Variants in FAM153A observed in about 807,000 individuals in gnomAD.
The protein encoded by FAM153A is family with sequence similarity 153 member A.
A neutral mutation model predicts 48.1 loss-of-function variants in FAM153A; 12 were observed. The observed-to-expected ratio is 0.25, with a 90% confidence interval of 0.16 to 0.40. The LOEUF (loss-of-function observed/expected upper bound fraction) is 0.40. FAM153A is among the 10% of genes least tolerant of loss of function. The pLI, the probability that FAM153A is intolerant of heterozygous loss-of-function variation, is 1.00. For missense variants in FAM153A, 111 were observed against 345.8 expected (o/e 0.32, Z 5.38); for synonymous variants, 36 against 118.2 (o/e 0.30, Z 4.51).
At chr5:177,729,878 T>G (rs1231100347) in intron 16 of FAM153A, among the ~76,000 whole-genome samples, 1 of 111,666 alleles carries the variant, frequency 9.0e-6, no homozygotes, top group Non-Finnish European at 1.9e-5. Flanking sequence ...TGAGCTAACT[T>G]GCCCTCTTAT....
chr5:177,781,277 T>A (rs1157539640), upstream of FAM153A, among the ~76,000 whole-genome samples: 1 of 141,596 alleles, frequency 7.1e-6, no homozygotes, highest in Non-Finnish European at 1.5e-5. Flanking sequence ...TTTTTTTTTT[T>A]TTTTTTTTTT....
At chr5:177,703,024 T>C (rs2127540361), downstream of FAM153A, among the ~76,000 whole-genome samples, 1 of 152,148 alleles carries the variant, frequency 6.6e-6, no homozygotes, top group South Asian at 2.1e-4. Flanking sequence ...AGAGTCCCCA[T>C]TGGAACACTT....
At chr5:177,699,942 G>T in the FAM153A span, among the ~76,000 whole-genome samples, 3 of 151,290 alleles carry the variant, frequency 2.0e-5, no homozygotes, top group Non-Finnish European at 4.4e-5. Flanking sequence ...TATGAATTTA[G>T]ATATAAAAAT....
Position 177,734,949 on chromosome 5 carries a change from G to A in FAM153A, c.665-16C>T, listed in dbSNP as rs11953424. The A allele has an allele frequency of 0.11, 159,734 of 1,520,984 alleles. 10,846 individuals are homozygous for A. Among genetic ancestry groups the A allele is most frequent in the African/African-American group, 0.35 (21,056 of 60,506 alleles). 94.2% of individuals were successfully genotyped at this position (1,520,984 alleles called of 1,614,324 possible). ...CTGATCAGAACTAGGAGGATACAAA[G>A]TGACCATCAGCACCTTGGTGGTGGT... On this transcript the variant is annotated splice_polypyrimidine_tract_variant and intron_variant, in intron 12 of 20. Coordinates refer to ENST00000614127, the Ensembl canonical transcript of FAM153A.
chr5:177,743,611 C>T (rs1338710175), intron 6 of FAM153A, among the ~76,000 whole-genome samples: 3 of 99,980 alleles, frequency 3.0e-5, no homozygotes, highest in South Asian at 3.6e-4. Flanking sequence ...CAGCAGAACT[C>T]GCTGTAGCAT....
downstream of FAM153A, among the ~76,000 whole-genome samples, chr5:177,717,642 A>C (rs1420814228): frequency 4.1e-5 from 6 of 145,744 alleles, no homozygotes; most frequent in Non-Finnish European, 6.0e-5. Context: ...TAGCATCAGC[A>C]ATCGTGGGAC....
At chr5:177,754,044 C>T (rs112597806), upstream of FAM153A, among the ~76,000 whole-genome samples, 3 of 151,894 alleles carry the variant, frequency 2.0e-5, no homozygotes, top group African/African-American at 7.3e-5. Context: ...AAGGCATTGC[C>T]TCACCCAGGA....
chr5:177,750,079 A>G (rs1351833892), intron 2 of FAM153A: 1 of 149,868 alleles, frequency 6.7e-6, no homozygotes, highest in Non-Finnish European at 1.5e-5. Flanking sequence ...TTAAGCTGTT[A>G]AGCTTCAAAA....
upstream of FAM153A, among the ~76,000 whole-genome samples, chr5:177,756,320 C>A (rs1321922612): frequency 2.0e-5 from 3 of 147,736 alleles, no homozygotes; most frequent in African/African-American, 2.6e-5. Context: ...ATACAGGAGC[C>A]CCCAGATTCA....
At chr5:177,707,229 G>C (rs1300247163), downstream of FAM153A, among the ~76,000 whole-genome samples, 1 of 151,912 alleles carries the variant, frequency 6.6e-6, no homozygotes, top group African/African-American at 2.4e-5. Context: ...ACTGCAGAAT[G>C]TGCATTCTTC....
downstream of FAM153A, among the ~76,000 whole-genome samples, chr5:177,706,258 G>A (rs1213215353): frequency 6.6e-6 from 1 of 151,398 alleles, no homozygotes; most frequent in East Asian, 1.9e-4. Context: ...GTGCAGTGGC[G>A]CAGTCTCGGC....
chr5:177,731,121 T>G (rs1383271798), intron 16 of FAM153A, among the ~76,000 whole-genome samples: 1 of 58,406 alleles, frequency 1.7e-5, no homozygotes, highest in Non-Finnish European at 3.2e-5. Flanking sequence ...GGTTTTTTTT[T>G]TTTTTTTTTT....
chr5:177,751,069 AAT>A (rs1464111927), intron 1 of FAM153A: 2 of 588,142 alleles, frequency 3.4e-6, no homozygotes, highest in Non-Finnish European at 5.9e-6. Context: ...AATGAATTAA[AAT>A]AAAGACAGGT....
the FAM153A span, among the ~76,000 whole-genome samples, chr5:177,700,618 A>G: frequency 4.6e-5 from 7 of 151,954 alleles, no homozygotes; most frequent in Admixed American, 1.3e-4. Flanking sequence ...CCTGGCCAAC[A>G]TGGTGAAATG....
chr5:177,708,315 C>T (rs1758038398), downstream of FAM153A, among the ~76,000 whole-genome samples: 1 of 142,194 alleles, frequency 7.0e-6, no homozygotes. Context: ...GTGGCTCATG[C>T]CTGTAATCCC....
At chr5:177,706,174 G>C (rs1757867187), downstream of FAM153A, among the ~76,000 whole-genome samples, 3 of 149,906 alleles carry the variant, frequency 2.0e-5, no homozygotes, top group African/African-American at 7.4e-5. Flanking sequence ...AAAGAATATA[G>C]TTGGAAAAAA....
the FAM153A span, among the ~76,000 whole-genome samples, chr5:177,701,942 C>T: frequency 1.3e-5 from 2 of 150,194 alleles, no homozygotes; most frequent in African/African-American, 4.9e-5. Flanking sequence ...GAGTCTTGCT[C>T]TGTGGCCCAG....
At chr5:177,721,902 C>CT (rs1250345843), downstream of FAM153A, 4 of 149,514 alleles carry the variant, frequency 2.7e-5, no homozygotes, top group East Asian at 7.8e-4. Context: ...ATTGATGTAA[C>CT]TTACCATACT....
chr5:177,705,658 CTTTT>C (rs70994931), downstream of FAM153A, among the ~76,000 whole-genome samples: 7 of 79,816 alleles, frequency 8.8e-5, no homozygotes, highest in African/African-American at 2.8e-4. Context: ...TTTTCTTTTT[CTTTT>C]TTTTTTTTTT....
Sources: gnomAD v4.1 joint callset for allele counts (sites outside exome capture counted in the v4.1 genomes callset) on GRCh38, gnomAD v4.1.1 for gene constraint, MANE v1.5 for transcripts, NCBI Gene and HGNC (gene_info 2026-07-23, HGNC 2026-07-21) for gene names.